The following CPLANE1 variants were observed in gnomAD, a reference collection of about 807,000 sequenced individuals.
The protein encoded by CPLANE1 is ciliogenesis and planar polarity effector 1.
A neutral mutation model predicts 362.5 loss-of-function variants in CPLANE1; 263 were observed. The ratio of observed to expected loss-of-function variants is 0.73; its 90% CI spans 0.66 to 0.80. The LOEUF is 0.80. CPLANE1 is among the 30% of genes least tolerant of loss of function. The pLI, the probability that CPLANE1 is intolerant of heterozygous loss-of-function variation, is 0.00. For synonymous variants in CPLANE1, 1,212 were observed against 1,302.6 expected, an observed-to-expected ratio of 0.93 and a Z score of 1.50; for missense variants, 3,461 against 3,793.4, an observed-to-expected ratio of 0.91 and a Z score of 2.30.
chr5:37,120,797 C>G lies in CPLANE1; in HGVS notation c.9186-457G>C, dbSNP rs185733664. On this transcript the variant is annotated intron_variant, in intron 49 of 52. Transcript: ENST00000651892. Reference sequence around the variant, plus strand: ...GGGCAGTTATATATGTATTTAATCCCTGCTTTATTCTAGAAAAGTCTCAAC... The same window carrying G: ...GGGCAGTTATATATGTATTTAATCCGTGCTTTATTCTAGAAAAGTCTCAAC... 6.2e-4 allele frequency among the ~76,000 whole-genome samples: 95 copies of G among 152,224 alleles called. 2 individuals carry two copies. The East Asian group carries it at 0.015, about 24-fold the overall frequency.
chr5:37,217,723 T>G (rs1231697429), intron 15 of CPLANE1, among the ~76,000 whole-genome samples: 1 of 151,822 alleles, frequency 6.6e-6, no homozygotes, highest in Non-Finnish European at 1.5e-5. Context: ...ATGCCTGTAA[T>G]CCTAGCACTT....
At chr5:37,100,316 T>G in the CPLANE1 span, among the ~76,000 whole-genome samples, 1 of 152,236 alleles carries the variant, frequency 6.6e-6, no homozygotes, top group Non-Finnish European at 1.5e-5. Context: ...CAGTTTCAAC[T>G]TTCTGCATAT....
intron 44 of CPLANE1, chr5:37,139,587 C>T: frequency 1.1e-6 from 1 of 938,632 alleles, no homozygotes; most frequent in Non-Finnish European, 1.3e-6. Flanking sequence ...ATGTCTCACT[C>T]TGTCACCCAG....
chr5:37,211,409 T>G, intron 16 of CPLANE1: 1 of 1,516,048 alleles, frequency 6.6e-7, no homozygotes, highest in Non-Finnish European at 8.8e-7. Flanking sequence ...TCAAAAACAT[T>G]ACTTCCAGTT....
rs2150063584 is a variant in CPLANE1 at position 37,201,602 on chromosome 5, T to G, written c.3496A>C (p.Ile1166Leu). ...TGCTATAAGCTTACTTCACTAAGAA[T>G]AGCTGGCTGGGGACAGTACAATGGA... is the stretch of plus-strand genomic sequence containing the variant. ...APPLYCPQPA[I>L]LSEEDGDDLL... Residue 1166 changes from isoleucine (I) to leucine (L), a missense_variant, in exon 19 of 53, where the codon ATT (isoleucine) becomes CTT (leucine). By Grantham distance (5) the Ile-to-Leu change is conservative. Coordinates refer to ENST00000651892, the MANE Select transcript of CPLANE1 (RefSeq NM_001384732.1). 2 of 1,613,422 alleles carry G rather than the reference T, an allele frequency of 1.2e-6. No homozygotes were observed. Among genetic ancestry groups the G allele is most frequent in the Non-Finnish European group, 1.7e-6 (2 of 1,179,470 alleles).
intron 15 of CPLANE1, among the ~76,000 whole-genome samples, chr5:37,217,449 T>C (rs1794339674): frequency 1.3e-5 from 2 of 150,554 alleles, no homozygotes; most frequent in African/African-American, 4.9e-5. Context: ...CTACTAAAAA[T>C]ACAAAAAATT....
chr5:37,121,991 T>G (rs1055841107), intron 48 of CPLANE1, among the ~76,000 whole-genome samples: 1 of 151,988 alleles, frequency 6.6e-6, no homozygotes, highest in Non-Finnish European at 1.5e-5. Context: ...GCAATTCTCC[T>G]GCCTCAGGCT....
intron 19 of CPLANE1, among the ~76,000 whole-genome samples, chr5:37,199,218 C>T (rs1289072467): frequency 6.6e-6 from 1 of 151,668 alleles, no homozygotes; most frequent in Non-Finnish European, 1.5e-5. Context: ...TCAACTATGG[C>T]TATTTCTAGA....
At chr5:37,082,757 C>T in the CPLANE1 span, among the ~76,000 whole-genome samples, 106 of 140,630 alleles carry the variant, frequency 7.5e-4, no homozygotes, top group African/African-American at 1.1e-3. Context: ...ATTCCATGTA[C>T]GTGGAAACCC....
Position 37,175,969 on chromosome 5 carries a change from GA to G in CPLANE1, c.5917del (p.Ser1973HisfsTer13). 1 of 1,612,498 alleles carries G rather than the reference GA, an allele frequency of 6.2e-7. No individual in the cohort carries two copies. The highest frequency in any genetic ancestry group is 1.3e-5 in the African/African-American group (1 of 74,974). ...TTGAGGAGTGGTATGCCCAGGATGT[GA>G]AAAGGCTTCGATCATACTATCAATA... ...TEQKGMIEAF[S>X]HPGHTTPQSM... is the part of the protein sequence containing the mutation. On this transcript the variant is annotated frameshift_variant, in exon 31 of 53. Transcript: ENST00000651892. LOFTEE classifies it high-confidence loss of function.
At chr5:37,221,561 G>A (rs373250278) in intron 14 of CPLANE1, 73 bp from the exon 15 acceptor site, 36 of 1,025,384 alleles carry the variant, frequency 3.5e-5, no homozygotes, top group South Asian at 3.5e-4. Flanking sequence ...CTCAATTGAC[G>A]GGAGTGTGTA....
chr5:37,224,593 C>G lies in CPLANE1; in HGVS notation c.2439G>C (p.Gln813His), dbSNP rs1796042947. ...STVKSLLCHL[Q>H]ANLQSTGDCL... ...AATCTCCAGTACTCTGTAGGTTAGC[C>G]TGCAAATGACATAACAGGGACTTGA... Residue 813 changes from glutamine (Q) to histidine (H), a missense_variant, in exon 13 of 53, where the codon CAG becomes CAC. Gln to His is a conservative substitution (Grantham distance 24). This residue lies in a region of CPLANE1 where 3,380 missense variants were observed against 3,666.1 expected (regional missense o/e 0.92). Transcript: ENST00000651892. 1.3e-6 allele frequency: 2 copies of G among 1,551,466 alleles called. No individual in the cohort carries two copies. Among genetic ancestry groups the G allele is most frequent in the Non-Finnish European group, 8.7e-7 (1 of 1,146,858 alleles).
chr5:37,181,433 T>C (rs1782625428), intron 26 of CPLANE1, among the ~76,000 whole-genome samples: 1 of 152,162 alleles, frequency 6.6e-6, no homozygotes, highest in African/African-American at 2.4e-5. Context: ...AATTTCCATA[T>C]ACATTACCTA....
chr5:37,109,884 T>C (rs1307785571), intron 51 of CPLANE1, among the ~76,000 whole-genome samples: 1 of 152,156 alleles, frequency 6.6e-6, no homozygotes, highest in African/African-American at 2.4e-5. Flanking sequence ...TTGGAACTCC[T>C]GGCCTCAAGC....
At chr5:37,187,262 G>T in intron 23 of CPLANE1, 152 bp downstream of exon 23, 1 of 586,870 alleles carries the variant, frequency 1.7e-6, no homozygotes, top group Non-Finnish European at 2.9e-6. Context: ...CACAAGTGAG[G>T]TCCTACAGTA....
At position 37,169,099 on chromosome 5, in the gene CPLANE1, T is replaced by G; in HGVS notation, c.6925A>C (p.Thr2309Pro). 1 of 1,614,238 alleles carries G rather than the reference T, an allele frequency of 6.2e-7. No individual in the cohort carries two copies. Among genetic ancestry groups the G allele is most frequent in the Non-Finnish European group, 8.5e-7 (1 of 1,180,040 alleles). ...EQKTWAETVI[T>P]EIPNHVNLDQ... is the part of the protein sequence containing the mutation. ...AAGTTCACATGATTAGGAATTTCTG[T>G]AATTACAGTTTCTGCCCACGTCTTC... is the stretch of plus-strand genomic sequence containing the variant. The change falls in exon 34 of 53, where the codon ACA (threonine) becomes CCA (proline). Residue 2309 changes from threonine (T) to proline (P), a missense_variant. Coordinates refer to ENST00000651892, the MANE Select transcript of CPLANE1 (RefSeq NM_001384732.1).
At chr5:37,248,360 C>T (rs1740545723) in intron 1 of CPLANE1, among the ~76,000 whole-genome samples, 1 of 152,062 alleles carries the variant, frequency 6.6e-6, no homozygotes, top group Non-Finnish European at 1.5e-5. Context: ...GAACCCCTGA[C>T]CTTGGGTGAT....
rs539654581 is a variant in CPLANE1, at chr5:37,204,736, T to A, written c.3289+579A>T. ...TGTAACACTGCGGCATCAAGAAAGC[T>A]ACTTTAATATTTAAAAAAAAAAAAA... On this transcript the variant is annotated intron_variant, in intron 18 of 52. Transcript: ENST00000651892. Among the ~76,000 whole-genome samples the A allele has an allele frequency of 1.7e-4, 22 of 133,192 alleles. No individual in the cohort carries two copies. In the South Asian group the frequency reaches 5.0e-3, roughly 30 times the overall value. 87.4% of individuals were successfully genotyped at this position (133,192 alleles called of 152,430 possible). A position where few individuals can be genotyped will look rare whatever the true frequency, so the allele number is the denominator to read the frequency against.
chr5:37,194,691 C>CTACG (rs1786731063), intron 21 of CPLANE1, among the ~76,000 whole-genome samples: 1 of 148,582 alleles, frequency 6.7e-6, no homozygotes, highest in Non-Finnish European at 1.5e-5. Flanking sequence ...CAGGCTCTCA[C>CTACG]TACGTTGCCC....
Sources: gnomAD v4.1 joint callset for allele counts (sites outside exome capture counted in the v4.1 genomes callset) on GRCh38, gnomAD v4.1.1 for gene constraint, gnomAD v4.1.1 regional missense constraint, MANE v1.5 for transcripts, NCBI Gene and HGNC (gene_info 2026-07-23, HGNC 2026-07-21) for gene names.